PIK3CD: variants seen among roughly 807,000 people sequenced by gnomAD.
The protein encoded by PIK3CD is phosphatidylinositol 4,5-bisphosphate 3-kinase catalytic subunit delta isoform.
A neutral mutation model predicts 122.9 loss-of-function variants in PIK3CD; 20 were observed. The observed-to-expected ratio is 0.16, with a 90% CI of 0.11 to 0.24. The LOEUF (loss-of-function observed/expected upper bound fraction) is 0.24. PIK3CD is among the 10% of genes least tolerant of loss of function. The probability of loss-of-function intolerance (pLI) is 1.00; values close to 1 mark genes in which losing one functional copy is unlikely to be tolerated. For missense variants in PIK3CD, 787 were observed against 1,406.3 expected, an observed-to-expected ratio of 0.56 and a Z score of 7.04; for synonymous variants, 596 against 593.4, an observed-to-expected ratio of 1.00 and a Z score of -0.06.
At chr1:9,629,536 G>T in the PIK3CD span, among the ~76,000 whole-genome samples, 11 of 131,248 alleles carry the variant, frequency 8.4e-5, no homozygotes, top group Non-Finnish European at 1.7e-4. Flanking sequence ...GCCTGAGAAA[G>T]AATCGAGGAG....
the PIK3CD span, among the ~76,000 whole-genome samples, chr1:9,636,213 G>A: frequency 1.3e-5 from 2 of 151,914 alleles, no homozygotes; most frequent in Non-Finnish European, 2.9e-5. Flanking sequence ...TTTTGGGGGG[G>A]GACATGGTCT....
chr1:9,721,675 G>C, intron 15 of PIK3CD, 86 bp from the exon 16 acceptor site: 1 of 1,606,654 alleles, frequency 6.2e-7, no homozygotes, highest in Non-Finnish European at 8.5e-7. Context: ...AGCAGGCCTG[G>C]GTGTCCTGGC....
chr1:9,715,820 C>G lies in PIK3CD; in HGVS notation c.371-29C>G, dbSNP rs747600507. On this transcript the variant is annotated intron_variant, in intron 4 of 23. Coordinates refer to ENST00000377346, the MANE Select transcript of PIK3CD (RefSeq NM_005026.5). This position sits in a 1 kb window ranked among gnomAD's most constrained non-coding sequence, Gnocchi z 4.1. The stretch of plus-strand genomic sequence containing the variant: ...GCCGGGCTGGCCCTGCCTGCCCCAC[C>G]CGCTGACCCAGCCCTCCCCACCCCG... The G allele has an allele frequency of 1.9e-6, 3 of 1,610,412 alleles. No homozygotes were observed. Among genetic ancestry groups the G allele is most frequent in the Non-Finnish European group, 2.5e-6 (3 of 1,177,956 alleles).
At chr1:9,680,460 T>A (rs1459512793) in intron 1 of PIK3CD, among the ~76,000 whole-genome samples, 3 of 151,896 alleles carry the variant, frequency 2.0e-5, no homozygotes, top group South Asian at 2.1e-4. Flanking sequence ...AAAAAAAAAA[T>A]TAAAACATTT....
intron 3 of PIK3CD, among the ~76,000 whole-genome samples, chr1:9,712,054 G>T (rs1425808948): frequency 6.6e-6 from 1 of 151,600 alleles, no homozygotes. Context: ...CCACCACCAC[G>T]CCCGGCTAAT....
At position 9,719,012 on chromosome 1, in the gene PIK3CD, G is replaced by A; in HGVS notation, c.1242+97G>A. On this transcript the variant is annotated intron_variant, in intron 9 of 23. Coordinates refer to ENST00000377346, the MANE Select transcript of PIK3CD (RefSeq NM_005026.5). The surrounding 1 kb of genome is among the most constrained non-coding windows in gnomAD (Gnocchi z 5.5). ...CCACTCTCCTCCCGGCAAGCACGCA[G>A]CCTGGGGATGGGGGTCCTGGGATTG... The A allele has an allele frequency of 4.3e-6, 5 of 1,160,078 alleles. No homozygotes were observed. Among genetic ancestry groups the A allele is most frequent in the Non-Finnish European group, 6.3e-6 (5 of 799,430 alleles). 71.9% of individuals were successfully genotyped at this position (1,160,078 alleles called of 1,614,324 possible).
At chr1:9,695,972 A>T (rs1442500893) in intron 2 of PIK3CD, among the ~76,000 whole-genome samples, 3 of 147,168 alleles carry the variant, frequency 2.0e-5, no homozygotes, top group African/African-American at 5.3e-5. Context: ...AGTACATTAA[A>T]GACTTTTTTT....
chr1:9,709,191 G>A (rs1008277940), intron 2 of PIK3CD, among the ~76,000 whole-genome samples: 1 of 151,804 alleles, frequency 6.6e-6, no homozygotes, highest in African/African-American at 2.4e-5. Flanking sequence ...CACCATGCCC[G>A]GCTAATTTTT....
rs1373865950 is a variant in PIK3CD at position 9,729,088 on chromosome 1, T to A, written c.*2042T>A. On this transcript the variant is annotated 3_prime_UTR_variant, in exon 24 of 24. Transcript: ENST00000377346. Reference sequence around the variant, plus strand: ...TTCTGACCTATCATGAGTATACACATCTGCGAAGGGAAACCGCGCGGCGAC... The same window carrying A: ...TTCTGACCTATCATGAGTATACACAACTGCGAAGGGAAACCGCGCGGCGAC... 6.6e-6 allele frequency: 1 copy of A among 152,154 alleles called. No individual in the cohort carries two copies. The highest frequency in any genetic ancestry group is 2.4e-5 in the African/African-American group (1 of 41,430). 9.4% of individuals were successfully genotyped at this position (152,154 alleles called of 1,614,324 possible).
chr1:9,665,052 CAGTT>C (rs1342486031), intron 1 of PIK3CD, among the ~76,000 whole-genome samples: 1 of 151,750 alleles, frequency 6.6e-6, no homozygotes, highest in Non-Finnish European at 1.5e-5. Flanking sequence ...AAAATAAAAA[CAGTT>C]AGCTGGGTGT....
chr1:9,698,860 C>CT (rs1344641266), intron 2 of PIK3CD, among the ~76,000 whole-genome samples: 1 of 151,794 alleles, frequency 6.6e-6, no homozygotes, highest in African/African-American at 2.4e-5. Flanking sequence ...GGGTAGTTAG[C>CT]TTTTTTCTGA....
chr1:9,722,702 C>A lies in PIK3CD; in HGVS notation c.2426+96C>A. On this transcript the variant is annotated intron_variant, in intron 19 of 23. Coordinates refer to ENST00000377346, the MANE Select transcript of PIK3CD (RefSeq NM_005026.5). The surrounding 1 kb of genome is among the most constrained non-coding windows in gnomAD (Gnocchi z 7.6). ...TCCTTGTTGAAGGTGGCATGACCATCTCAGCCGGGGAAAGGGCTTTCCTAG... is the reference window on the plus strand; with the variant it reads ...TCCTTGTTGAAGGTGGCATGACCATATCAGCCGGGGAAAGGGCTTTCCTAG... 9.3e-7 allele frequency: 1 copy of A among 1,078,154 alleles called. No individual in the cohort carries two copies. The highest frequency in any genetic ancestry group is 1.4e-6 in the Non-Finnish European group (1 of 702,848). 66.8% of individuals were successfully genotyped at this position (1,078,154 alleles called of 1,614,324 possible).
Position 9,718,968 on chromosome 1 carries a change from C to A in PIK3CD, c.1242+53C>A. 1 of 1,527,728 alleles carries A rather than the reference C, an allele frequency of 6.5e-7. No individual in the cohort carries two copies. The highest frequency in any genetic ancestry group is 2.3e-5 in the East Asian group (1 of 43,782). 94.6% of individuals were successfully genotyped at this position (1,527,728 alleles called of 1,614,324 possible). A position where few individuals can be genotyped will look rare whatever the true frequency, so the allele number is the denominator to read the frequency against. On this transcript the variant is annotated intron_variant, in intron 9 of 23. Coordinates refer to ENST00000377346, the MANE Select transcript of PIK3CD (RefSeq NM_005026.5). This position sits in a 1 kb window ranked among gnomAD's most constrained non-coding sequence, Gnocchi z 7.2. ...TGCAGACCCCGGAGAGCCAGTACAG[C>A]CCCTTGCTGGGCCACTCACCACTCT... is the stretch of plus-strand genomic sequence containing the variant.
chr1:9,690,203 G>A (rs1029973369), intron 1 of PIK3CD, among the ~76,000 whole-genome samples: 12 of 152,182 alleles, frequency 7.9e-5, no homozygotes, highest in African/African-American at 2.9e-4. Flanking sequence ...GGGCTAGAGG[G>A]TGGCAGACCC....
At chr1:9,641,356 C>T in the PIK3CD span, among the ~76,000 whole-genome samples, 1 of 152,160 alleles carries the variant, frequency 6.6e-6, no homozygotes, top group African/African-American at 2.4e-5. Flanking sequence ...AACTTTGTAT[C>T]AGAAGCAGGA....
chr1:9,648,750 C>A (rs541713385), upstream of PIK3CD, among the ~76,000 whole-genome samples: 12 of 152,358 alleles, frequency 7.9e-5, no homozygotes, highest in African/African-American at 2.9e-4. Flanking sequence ...TGTGGTCCTT[C>A]CTGGCTCCTC....
At chr1:9,699,840 G>A (rs892065122) in intron 2 of PIK3CD, among the ~76,000 whole-genome samples, 1 of 152,122 alleles carries the variant, frequency 6.6e-6, no homozygotes, top group African/African-American at 2.4e-5. Flanking sequence ...TGATTTGCCC[G>A]CCTCGGCCTC....
At chr1:9,684,354 T>C (rs971430191) in intron 1 of PIK3CD, among the ~76,000 whole-genome samples, 11 of 151,868 alleles carry the variant, frequency 7.2e-5, no homozygotes, top group African/African-American at 2.7e-4. Context: ...CTGGCCAACA[T>C]GATGAAACCC....
At chr1:9,666,928 T>C (rs1645178380) in intron 1 of PIK3CD, among the ~76,000 whole-genome samples, 1 of 151,200 alleles carries the variant, frequency 6.6e-6, no homozygotes. Context: ...TGCAGTGGCA[T>C]GATCTCGGCT....
Sources: gnomAD v4.1 joint callset for allele counts (sites outside exome capture counted in the v4.1 genomes callset) on GRCh38, gnomAD v4.1.1 for gene constraint, Gnocchi (gnomAD v3.1) non-coding constraint, MANE v1.5 for transcripts, NCBI Gene and HGNC (gene_info 2026-07-23, HGNC 2026-07-21) for gene names.